MACROD2: variants seen among roughly 807,000 people sequenced by gnomAD.
MACROD2 encodes the protein ADP-ribose glycohydrolase MACROD2.
In MACROD2, 36 loss-of-function variants were observed where a neutral mutation model predicts 70.4. The observed-to-expected ratio is 0.51, with a 90% CI of 0.39 to 0.68. MACROD2 has a LOEUF of 0.68. Among genes scored for constraint, MACROD2 ranks in the 30% least tolerant of loss-of-function variants. The pLI is 0.00. For synonymous variants in MACROD2, 172 were observed against 178.8 expected, an observed-to-expected ratio of 0.96 and a Z score of 0.30; for missense variants, 496 against 538.4, an observed-to-expected ratio of 0.92 and a Z score of 0.78.
chr20:15,716,692 A>G (rs1000399094), intron 8 of MACROD2, among the ~76,000 whole-genome samples: 1 of 152,228 alleles, frequency 6.6e-6, no homozygotes, highest in African/African-American at 2.4e-5. Context: ...AAACAACAAA[A>G]AGAACAGAAA....
intron 2 of MACROD2, among the ~76,000 whole-genome samples, chr20:14,003,194 C>T (rs891465549): frequency 6.6e-6 from 1 of 152,160 alleles, no homozygotes; most frequent in Non-Finnish European, 1.5e-5. Flanking sequence ...ATCGATGGAA[C>T]TACACCGGGT....
chr20:15,149,137 G>A (rs1300043535), intron 5 of MACROD2, among the ~76,000 whole-genome samples: 2 of 152,056 alleles, frequency 1.3e-5, no homozygotes, highest in Admixed American at 1.3e-4. Flanking sequence ...TGCCAGTCCT[G>A]GGTGGAGGCA....
chr20:15,349,293 A>T (rs1022950311), intron 6 of MACROD2, among the ~76,000 whole-genome samples: 1 of 152,076 alleles, frequency 6.6e-6, no homozygotes, highest in Non-Finnish European at 1.5e-5. Flanking sequence ...CATCTGCTGG[A>T]GTTTTTTATA....
intron 3 of MACROD2, among the ~76,000 whole-genome samples, chr20:14,104,927 G>A (rs1470250064): frequency 6.6e-6 from 1 of 152,178 alleles, no homozygotes; most frequent in Non-Finnish European, 1.5e-5. Context: ...TCTTGTAATT[G>A]CGTGGCTTGT....
At chr20:14,480,041 C>A (rs1042997854) in intron 3 of MACROD2, among the ~76,000 whole-genome samples, 14 of 151,898 alleles carry the variant, frequency 9.2e-5, no homozygotes, top group Non-Finnish European at 1.3e-4. Flanking sequence ...CCATGCCCAG[C>A]AATGTATTTG....
chr20:14,887,540 A>G (rs6079597), intron 5 of MACROD2, among the ~76,000 whole-genome samples: 32,655 of 151,298 alleles, frequency 0.22, 3,697 homozygotes, highest in African/African-American at 0.24. Flanking sequence ...GTACAGGCAC[A>G]CCCAGCTAAT....
intron 8 of MACROD2, among the ~76,000 whole-genome samples, chr20:15,581,652 G>T (rs557413797): frequency 6.6e-6 from 1 of 152,182 alleles, no homozygotes; most frequent in Admixed American, 6.5e-5. Context: ...TCAGAGGAGC[G>T]TCCCTGAGGA....
intron 5 of MACROD2, among the ~76,000 whole-genome samples, chr20:14,882,857 C>T (rs1568852377): frequency 6.6e-6 from 1 of 152,072 alleles, no homozygotes; most frequent in South Asian, 2.1e-4. Flanking sequence ...TCAAGAAGGA[C>T]TTAAGTATGT....
chr20:15,432,148 A>G (rs2046371509), intron 7 of MACROD2, among the ~76,000 whole-genome samples: 1 of 152,076 alleles, frequency 6.6e-6, no homozygotes, highest in East Asian at 1.9e-4. Flanking sequence ...TTCTTTCTGA[A>G]CTTAAACTTC....
At chr20:14,721,380 G>C (rs779019312) in intron 5 of MACROD2, among the ~76,000 whole-genome samples, 1 of 152,024 alleles carries the variant, frequency 6.6e-6, no homozygotes, top group African/African-American at 2.4e-5. Flanking sequence ...CTGGGTGACA[G>C]AGCGAGATAC....
At chr20:15,883,925 C>A (rs2064789648) in intron 9 of MACROD2, among the ~76,000 whole-genome samples, 1 of 152,096 alleles carries the variant, frequency 6.6e-6, no homozygotes. Context: ...AACAAGTAGA[C>A]TGTGTGATTT....
intron 3 of MACROD2, among the ~76,000 whole-genome samples, chr20:14,363,816 C>CAAAAAAAAAAAAAA (rs569929488): frequency 5.6e-5 from 4 of 71,560 alleles, no homozygotes; most frequent in Admixed American, 2.1e-4. Flanking sequence ...GACTCTGTCT[C>CAAAAAAAAAAAAAA]AAAAAAAAAA....
chr20:15,757,573 T>C (rs539149988), intron 8 of MACROD2, among the ~76,000 whole-genome samples: 1 of 152,268 alleles, frequency 6.6e-6, no homozygotes, highest in African/African-American at 2.4e-5. Context: ...AGAAAATACC[T>C]CCATGAGTGT....
Position 14,505,541 on chromosome 20 carries a change from A to C in MACROD2, c.301+12033A>C, listed in dbSNP as rs74326253. On this transcript the variant is annotated intron_variant, in intron 4 of 17. Transcript: ENST00000684519. ...TCTTTTCCCTTGAACAGGGAGAAGA[A>C]CTCTATTACAAGTATTATCTTAAAT... 1.7e-3 allele frequency among the ~76,000 whole-genome samples: 257 copies of C among 152,322 alleles called. 4 individuals are homozygous for C. In the East Asian group the frequency reaches 0.047, roughly 28 times the overall value.
rs1434316929 is a variant in MACROD2 at position 14,940,250 on chromosome 20, C to T, written c.418+255291C>T. Among the ~76,000 whole-genome samples the T allele has an allele frequency of 2.6e-5, 4 of 151,518 alleles. No homozygotes were observed. In the East Asian group the frequency reaches 7.8e-4, roughly 29 times the overall value. On this transcript the variant is annotated intron_variant, in intron 5 of 17. Transcript: ENST00000684519. ...TCCAGAAGCTAAGTTGGGAGGAACACCTGAGCCCAGGAGGTGAAGGCTGCA... is the reference window on the plus strand; with the variant it reads ...TCCAGAAGCTAAGTTGGGAGGAACATCTGAGCCCAGGAGGTGAAGGCTGCA...
intron 5 of MACROD2, among the ~76,000 whole-genome samples, chr20:15,065,864 C>G (rs1258233004): frequency 6.6e-6 from 1 of 152,018 alleles, no homozygotes; most frequent in Non-Finnish European, 1.5e-5. Flanking sequence ...TTATATTAAT[C>G]AACTGTTGTT....
intron 6 of MACROD2, among the ~76,000 whole-genome samples, chr20:15,285,377 C>T (rs2146095951): frequency 6.6e-6 from 1 of 152,250 alleles, no homozygotes; most frequent in South Asian, 2.1e-4. Context: ...TATCTACTTC[C>T]ACATTTCCTT....
chr20:15,024,438 T>C (rs907533797), intron 5 of MACROD2, among the ~76,000 whole-genome samples: 1 of 152,130 alleles, frequency 6.6e-6, no homozygotes, highest in Admixed American at 6.6e-5. Context: ...GAGTAACCTG[T>C]TAATCTAAAT....
chr20:15,762,796 A>G (rs915164608), intron 8 of MACROD2, among the ~76,000 whole-genome samples: 3 of 152,188 alleles, frequency 2.0e-5, no homozygotes, highest in Non-Finnish European at 2.9e-5. Flanking sequence ...GAGCACTACT[A>G]AACGATCATT....
Sources: allele counts gnomAD v4.1 joint callset (sites outside exome capture counted in the v4.1 genomes callset), GRCh38; gene constraint gnomAD v4.1.1; transcripts MANE v1.5; gene names NCBI Gene and HGNC (gene_info 2026-07-23, HGNC 2026-07-21).